Variants in PPP1R3F observed in about 807,000 individuals in gnomAD.
PPP1R3F encodes protein phosphatase 1 regulatory subunit 3F.
PPP1R3F carries 29 observed loss-of-function variants against 24.2 expected under a neutral mutation model. The ratio of observed to expected loss-of-function variants is 1.20; its 90% CI spans 0.89 to 1.63. PPP1R3F has a LOEUF of 1.63. Among genes scored for constraint, PPP1R3F ranks in the 40% most tolerant of loss-of-function variants. PPP1R3F has a pLI of 0.00. For missense variants in PPP1R3F, 823 were observed against 729.3 expected (o/e 1.13, Z -1.48); for synonymous variants, 363 against 340.1 (o/e 1.07, Z -0.74).
intron 3 of PPP1R3F, among the ~76,000 whole-genome samples, chrX:49,283,861 T>C: frequency 9.0e-6 from 1 of 111,606 alleles, no homozygotes; most frequent in South Asian, 3.7e-4. Context: ...ATTATTAAAT[T>C]AACTAGAATT....
chrX:49,287,438 C>T lies in PPP1R3F; in HGVS notation c.*348C>T, dbSNP rs868906188. The T allele has an allele frequency of 8.8e-4, 182 of 207,380 alleles. 1 individual carries two copies. Among genetic ancestry groups the T allele is most frequent in the African/African-American group, 4.7e-3 (158 of 33,596 alleles). The allele number at this position is 207,380 out of a possible 1,213,427, so 17.1% of individuals were successfully genotyped here. ...TTTATTAACAGCCAACCTGTGCAAC[C>T]TGCTGGAGCTTTATTTTTAATTTAA... is the stretch of plus-strand genomic sequence containing the variant. On this transcript the variant is annotated 3_prime_UTR_variant, in exon 4 of 4. Transcript: ENST00000055335.
At chrX:49,275,831 T>G (rs1315624772) in intron 1 of PPP1R3F, 1 of 111,915 alleles carries the variant, frequency 8.9e-6, no homozygotes, top group Non-Finnish European at 1.9e-5. Context: ...TAGTTGGGTT[T>G]GCTCACCATG....
chrX:49,288,360 G>A (rs2066299106), downstream of PPP1R3F, among the ~76,000 whole-genome samples: 1 of 112,345 alleles, frequency 8.9e-6, no homozygotes, highest in South Asian at 3.6e-4. Flanking sequence ...TGGTTTCCAA[G>A]ATACCACACT....
In PPP1R3F at chrX:49,286,571, C is replaced by T. The variant is rs147591123; in HGVS notation, c.1881C>T (p.Asp627=). The change falls in exon 4 of 4, where the codon GAC becomes GAT. Residue 627 remains aspartate, a synonymous_variant. Transcript: ENST00000055335. ...CATGGGCAGAGGGCTCAGGATGTGA[C>T]GGCCCTGTGGTTCTGGGTACAGAGG... ...WLPWAEGSGC[D]GPVVLGTEGQ... is the part of the protein sequence containing the mutation. 9.5e-4 allele frequency: 1,145 copies of T among 1,209,871 alleles called. 3 individuals are homozygous for T. In the African/African-American group the frequency reaches 0.015, roughly 15 times the overall value.
intron 3 of PPP1R3F, among the ~76,000 whole-genome samples, chrX:49,299,610 A>G (rs1304505748): frequency 8.9e-6 from 1 of 111,905 alleles, no homozygotes; most frequent in Non-Finnish European, 1.9e-5. Context: ...CTGTGCCCAC[A>G]GCCGCCCCTT....
At chrX:49,301,187 G>A (rs2066336292) in intron 3 of PPP1R3F, among the ~76,000 whole-genome samples, 2 of 112,531 alleles carry the variant, frequency 1.8e-5, no homozygotes, top group South Asian at 3.6e-4. Flanking sequence ...CCCTCAAAGT[G>A]TATACAGAGG....
rs782741043 is a variant in PPP1R3F at position 49,285,848 on chromosome X, G to A, written c.1158G>A (p.Pro386=). Residue 386 remains proline, a synonymous_variant, in exon 4 of 4, where the codon CCG becomes CCA. Coordinates refer to ENST00000055335, the MANE Select transcript of PPP1R3F (RefSeq NM_033215.5). ...CATGGCTCCAGGTTTCTGACGTTCC[G>A]ATGACTGGCAACCCCGCAGAAGAAG... is the stretch of plus-strand genomic sequence containing the variant. ...PQMTLQVSDV[P]MTGNPAEEGD... 21 of 1,143,354 alleles carry A rather than the reference G, an allele frequency of 1.8e-5. No individual in the cohort carries two copies. The highest frequency in any genetic ancestry group is 5.5e-5 in the African/African-American group (3 of 54,972). The allele number at this position is 1,143,354 out of a possible 1,213,427, so 94.2% of individuals were successfully genotyped here.
intron 1 of PPP1R3F, among the ~76,000 whole-genome samples, chrX:49,271,380 C>T (rs956573472): frequency 7.1e-5 from 8 of 111,894 alleles, no homozygotes; most frequent in African/African-American, 2.3e-4. Flanking sequence ...GAGGAGGTTT[C>T]ATTTAAACTA....
At chrX:49,299,178 A>G (rs184876905) in intron 3 of PPP1R3F, among the ~76,000 whole-genome samples, 16 of 111,753 alleles carry the variant, frequency 1.4e-4, no homozygotes, top group South Asian at 3.8e-4. Flanking sequence ...GGTGACCTTC[A>G]GATGGGGTTT....
chrX:49,271,780 C>G (rs1437033396), intron 1 of PPP1R3F, among the ~76,000 whole-genome samples: 2 of 113,110 alleles, frequency 1.8e-5, no homozygotes, highest in Non-Finnish European at 3.7e-5. Context: ...GTGGCTCTAG[C>G]AGAGAGACAG....
At chrX:49,272,931 A>AT (rs5902436) in intron 1 of PPP1R3F, 44,482 of 100,160 alleles carry the variant, frequency 0.44, 8,723 homozygotes, top group Middle Eastern at 0.59. Context: ...ATTTTTTTCT[A>AT]TTTTTTTTTT....
chrX:49,273,393 C>T (rs1307920356), intron 1 of PPP1R3F: 1 of 112,204 alleles, frequency 8.9e-6, no homozygotes, highest in Non-Finnish European at 1.9e-5. Flanking sequence ...GAAATTGAAG[C>T]AGCCTGTTCA....
intron 1 of PPP1R3F, among the ~76,000 whole-genome samples, chrX:49,279,078 G>A (rs1343419977): frequency 8.9e-6 from 1 of 112,042 alleles, no homozygotes; most frequent in East Asian, 2.8e-4. Context: ...GTCTCATAGG[G>A]TGATTGTGAG....
Position 49,277,037 on chromosome X carries a change from A to G in PPP1R3F, c.1005-4369A>G, listed in dbSNP as rs947478868. On this transcript the variant is annotated intron_variant, in intron 1 of 3. Transcript: ENST00000055335. ...CTTTGGGCTGGCAAAATTCTTTGAAAACATGAATGCTGGGGGTGCTCCAGA... is the reference window on the plus strand; with the variant it reads ...CTTTGGGCTGGCAAAATTCTTTGAAGACATGAATGCTGGGGGTGCTCCAGA... Among the ~76,000 whole-genome samples the G allele has an allele frequency of 6.2e-5, 7 of 112,365 alleles. No homozygotes were observed. The Admixed American group carries it at 6.6e-4, about 11-fold the overall frequency.
chrX:49,274,162 A>ATTTCTCT (rs782135215), intron 1 of PPP1R3F: 2 of 112,450 alleles, frequency 1.8e-5, no homozygotes, highest in East Asian at 5.6e-4. Flanking sequence ...AGGGTTTTAA[A>ATTTCTCT]TTTCTCTTTC....
At chrX:49,292,375 C>T (rs782595043), downstream of PPP1R3F, among the ~76,000 whole-genome samples, 10 of 112,848 alleles carry the variant, frequency 8.9e-5, no homozygotes, top group African/African-American at 2.9e-4. Flanking sequence ...TTAAAGGGTC[C>T]ATTATAGGAT....
chrX:49,280,263 T>TG (rs2147968346), intron 1 of PPP1R3F, among the ~76,000 whole-genome samples: 1 of 111,494 alleles, frequency 9.0e-6, no homozygotes, highest in East Asian at 2.8e-4. Context: ...TGTTTTGTTT[T>TG]TGTGAGATAA....
chrX:49,301,218 A>C (rs1172770904), intron 3 of PPP1R3F: 2 of 321,532 alleles, frequency 6.2e-6, no homozygotes, highest in Non-Finnish European at 1.2e-5. Context: ...TGTAAGACAC[A>C]GGATCACCTT....
At chrX:49,285,770 C>T (rs782505833) in intron 3 of PPP1R3F, 64 bp from the exon 4 acceptor site, 6 of 1,045,135 alleles carry the variant, frequency 5.7e-6, no homozygotes, top group Admixed American at 6.5e-5. Context: ...CTGCTTGTTC[C>T]ATCCCCTCCT....
Sources: allele counts gnomAD v4.1 joint callset (sites outside exome capture counted in the v4.1 genomes callset), GRCh38; gene constraint gnomAD v4.1.1; transcripts MANE v1.5; gene names NCBI Gene and HGNC (gene_info 2026-07-23, HGNC 2026-07-21).